HOMER1: variants seen among roughly 807,000 people sequenced by gnomAD.
HOMER1 encodes the protein homer protein homolog 1.
Under a neutral mutation model 48.9 loss-of-function variants are expected in HOMER1, and 3 were observed. That is an observed-to-expected ratio of 0.06 (90% CI 0.03 to 0.16). The LOEUF (loss-of-function observed/expected upper bound fraction) is 0.16. Among genes scored for constraint, HOMER1 ranks in the 10% least tolerant of loss-of-function variants. The pLI, the probability that HOMER1 is intolerant of heterozygous loss-of-function variation, is 1.00. For missense variants in HOMER1, 247 were observed against 411.4 expected, an observed-to-expected ratio of 0.60 and a Z score of 3.46; for synonymous variants, 134 against 146.4, an observed-to-expected ratio of 0.92 and a Z score of 0.61.
chr5:79,414,188 T>C (rs1156698565), intron 5 of HOMER1, among the ~76,000 whole-genome samples: 1 of 149,910 alleles, frequency 6.7e-6, no homozygotes, highest in Non-Finnish European at 1.5e-5. Flanking sequence ...GCTCAGGCAA[T>C]CTTTCCACCT....
At chr5:79,405,921 C>T (rs1013046815) in intron 5 of HOMER1, among the ~76,000 whole-genome samples, 2 of 152,146 alleles carry the variant, frequency 1.3e-5, no homozygotes, top group African/African-American at 4.8e-5. Context: ...TCTTGACTCC[C>T]ATTTTAAACT....
chr5:79,505,863 G>T (rs1752752271), intron 1 of HOMER1, among the ~76,000 whole-genome samples: 1 of 151,882 alleles, frequency 6.6e-6, no homozygotes, highest in African/African-American at 2.4e-5. Context: ...ATAAATAAGG[G>T]TAAATAAGAT....
intron 5 of HOMER1, among the ~76,000 whole-genome samples, chr5:79,426,418 T>C (rs750996789): frequency 3.3e-5 from 5 of 152,078 alleles, no homozygotes; most frequent in Admixed American, 1.3e-4. Flanking sequence ...ACTGTGTATA[T>C]GTGGTACTAT....
chr5:79,439,227 G>C lies in HOMER1; in HGVS notation c.388-78C>G, dbSNP rs1027310248. The stretch of plus-strand genomic sequence containing the variant: ...ACAATATCATCTTGAGGTTAAAACT[G>C]CCTTTGATGTATGCTTACTGATGAA... On this transcript the variant is annotated intron_variant, in intron 4 of 8. Coordinates refer to ENST00000334082, the MANE Select transcript of HOMER1 (RefSeq NM_004272.5). 21 of 1,400,988 alleles carry C rather than the reference G, an allele frequency of 1.5e-5. No individual in the cohort carries two copies. In the African/African-American group the frequency reaches 2.6e-4, roughly 17 times the overall value. 86.8% of individuals were successfully genotyped at this position (1,400,988 alleles called of 1,614,324 possible).
chr5:79,388,825 G>C (rs1041153166), intron 8 of HOMER1, among the ~76,000 whole-genome samples: 2 of 151,910 alleles, frequency 1.3e-5, no homozygotes, highest in African/African-American at 2.4e-5. Context: ...AAAGAAAACA[G>C]AAAGAGGTTG....
chr5:79,430,971 A>G (rs1289606395), intron 5 of HOMER1, among the ~76,000 whole-genome samples: 1 of 152,162 alleles, frequency 6.6e-6, no homozygotes, highest in African/African-American at 2.4e-5. Flanking sequence ...ATATTCATAG[A>G]GCAAGAATAT....
intron 1 of HOMER1, among the ~76,000 whole-genome samples, chr5:79,510,250 T>C (rs143466849): frequency 2.6e-4 from 40 of 152,114 alleles, no homozygotes; most frequent in Non-Finnish European, 2.6e-4. Context: ...AGTCCATATA[T>C]AGAACTTTAT....
intron 5 of HOMER1, among the ~76,000 whole-genome samples, chr5:79,402,758 T>G (rs1006534286): frequency 6.6e-6 from 1 of 152,222 alleles, no homozygotes; most frequent in African/African-American, 2.4e-5. Flanking sequence ...TACAATGTTA[T>G]TCCTTAATGA....
chr5:79,446,099 G>A (rs924598208), intron 4 of HOMER1, among the ~76,000 whole-genome samples: 1 of 152,162 alleles, frequency 6.6e-6, no homozygotes, highest in Non-Finnish European at 1.5e-5. Context: ...AGGACAGCAA[G>A]AGCCCAGTCC....
In HOMER1 at chr5:79,374,295, T is replaced by C. The variant is rs1748704001; in HGVS notation, c.*1714A>G. The C allele has an allele frequency of 6.6e-6, 1 of 152,442 alleles. No individual in the cohort carries two copies. Among genetic ancestry groups the C allele is most frequent in the Non-Finnish European group, 1.5e-5 (1 of 67,868 alleles). 9.4% of individuals were successfully genotyped at this position (152,442 alleles called of 1,614,324 possible). A position where few individuals can be genotyped will look rare whatever the true frequency, so the allele number is the denominator to read the frequency against. ...AAATAGATGGAGGTAACGTACATGATGTTACAGCACATATAATACATGATT... is the reference window on the plus strand; with the variant it reads ...AAATAGATGGAGGTAACGTACATGACGTTACAGCACATATAATACATGATT... On this transcript the variant is annotated 3_prime_UTR_variant, in exon 9 of 9. Transcript: ENST00000334082.
At chr5:79,494,657 T>G (rs1055253087) in intron 1 of HOMER1, among the ~76,000 whole-genome samples, 1 of 152,160 alleles carries the variant, frequency 6.6e-6, no homozygotes, top group Non-Finnish European at 1.5e-5. Context: ...ACACTTGAGG[T>G]CAGGAGTTCG....
chr5:79,504,007 C>A (rs1174341740), intron 1 of HOMER1, among the ~76,000 whole-genome samples: 1 of 152,172 alleles, frequency 6.6e-6, no homozygotes, highest in African/African-American at 2.4e-5. Flanking sequence ...TCATTAATGT[C>A]TATTTCCACT....
chr5:79,461,376 C>T (rs975816294), intron 1 of HOMER1, among the ~76,000 whole-genome samples: 6 of 152,182 alleles, frequency 3.9e-5, no homozygotes, highest in African/African-American at 1.4e-4. Context: ...TTAGACACTG[C>T]TTTCTTTACA....
intron 1 of HOMER1, among the ~76,000 whole-genome samples, chr5:79,489,855 G>C (rs936302903): frequency 1.3e-5 from 2 of 152,084 alleles, no homozygotes; most frequent in Non-Finnish European, 2.9e-5. Flanking sequence ...TAGGTGAACC[G>C]AAATTTCACT....
intron 8 of HOMER1, 82 bp downstream of exon 8, chr5:79,396,741 G>C: frequency 1.5e-6 from 1 of 666,068 alleles, no homozygotes; most frequent in Non-Finnish European, 2.5e-6. Flanking sequence ...ACAAAATGGA[G>C]TCTCAGAAAA....
In HOMER1 at chr5:79,414,460, A is replaced by G. The variant is rs1306040457; in HGVS notation, c.528-12405T>C. ...AGTGGTGCAAACATAGCTCACTGCA[A>G]CTCTGAACTCCTGGGCTCAAGCAAT... On this transcript the variant is annotated intron_variant, in intron 5 of 8. Coordinates refer to ENST00000334082, the MANE Select transcript of HOMER1 (RefSeq NM_004272.5). Among the ~76,000 whole-genome samples the G allele has an allele frequency of 2.0e-5, 3 of 150,778 alleles. No individual in the cohort carries two copies. The South Asian group carries it at 6.3e-4, about 32-fold the overall frequency.
chr5:79,405,291 C>T (rs1046734993), intron 5 of HOMER1, among the ~76,000 whole-genome samples: 5 of 152,112 alleles, frequency 3.3e-5, no homozygotes, highest in South Asian at 4.1e-4. Context: ...ACCCTGCAGA[C>T]GCCTTGATCT....
At position 79,493,460 on chromosome 5, in the gene HOMER1, C is replaced by T. The variant is rs116168855; in HGVS notation, c.5+19310G>A. Among the ~76,000 whole-genome samples the T allele has an allele frequency of 8.3e-3, 1,267 of 152,294 alleles. 9 individuals are homozygous for T. The highest frequency in any genetic ancestry group is 0.029 in the African/African-American group (1,186 of 41,572). ...GAATGTAAGCTCCATGAAGGCAAGG[C>T]TCTTTGTTCACAGATCTCATATACT... On this transcript the variant is annotated intron_variant, in intron 1 of 8. Coordinates refer to ENST00000334082, the MANE Select transcript of HOMER1 (RefSeq NM_004272.5).
intron 4 of HOMER1, among the ~76,000 whole-genome samples, chr5:79,446,821 T>TA (rs2112287270): frequency 6.7e-6 from 1 of 149,088 alleles, no homozygotes; most frequent in African/African-American, 2.5e-5. Context: ...TTTTTTTTTT[T>TA]TTTTTTTTAA....
Sources: gnomAD v4.1 joint callset for allele counts (sites outside exome capture counted in the v4.1 genomes callset) on GRCh38, gnomAD v4.1.1 for gene constraint, MANE v1.5 for transcripts, NCBI Gene and HGNC (gene_info 2026-07-23, HGNC 2026-07-21) for gene names.